Variants in NELL1 observed in about 807,000 individuals in gnomAD.
The protein encoded by NELL1 is protein kinase C-binding protein NELL1.
A neutral mutation model predicts 107.4 loss-of-function variants in NELL1; 76 were observed. The observed-to-expected ratio is 0.71, with a 90% CI of 0.59 to 0.86. NELL1 has a LOEUF of 0.86. Ranked by LOEUF, NELL1 falls within the 40% of genes least tolerant of loss-of-function variation. NELL1 has a pLI of 0.00. For missense variants in NELL1, 1,024 were observed against 1,005.5 expected (o/e 1.02, Z -0.25); for synonymous variants, 353 against 341.2 (o/e 1.03, Z -0.38).
At chr11:21,148,926 C>T (rs1856048342) in intron 13 of NELL1, among the ~76,000 whole-genome samples, 1 of 152,124 alleles carries the variant, frequency 6.6e-6, no homozygotes, top group African/African-American at 2.4e-5. Context: ...AAACTAAGGG[C>T]TCATTGATAC....
chr11:21,343,028 T>G (rs10833511), intron 14 of NELL1, among the ~76,000 whole-genome samples: 29,906 of 152,130 alleles, frequency 0.2, 3,216 homozygotes, highest in South Asian at 0.32. Flanking sequence ...CCCAGAGACC[T>G]GTCGCTTGGA....
intron 14 of NELL1, among the ~76,000 whole-genome samples, chr11:21,286,357 T>G (rs976221986): frequency 1.3e-5 from 2 of 152,214 alleles, no homozygotes; most frequent in African/African-American, 4.8e-5. Flanking sequence ...CCATTAGACA[T>G]GTCACTGTCC....
At chr11:20,895,504 C>CGTT (rs772119566) in intron 5 of NELL1, among the ~76,000 whole-genome samples, 3 of 100,022 alleles carry the variant, frequency 3.0e-5, no homozygotes, top group Non-Finnish European at 5.7e-5. Flanking sequence ...TGATATTTGC[C>CGTT]TTTTTTTTTT....
At chr11:21,345,547 A>G (rs1444321668) in intron 14 of NELL1, among the ~76,000 whole-genome samples, 1 of 152,184 alleles carries the variant, frequency 6.6e-6, no homozygotes, top group Non-Finnish European at 1.5e-5. Context: ...TGCTCAGGGA[A>G]AGATGCTGGG....
At chr11:21,398,363 T>C (rs1852025829) in intron 15 of NELL1, among the ~76,000 whole-genome samples, 1 of 151,744 alleles carries the variant, frequency 6.6e-6, no homozygotes, top group Non-Finnish European at 1.5e-5. Flanking sequence ...ATTCTGGCAA[T>C]CTGAAAACCT....
In NELL1 at chr11:21,479,691, A is replaced by C. The variant is rs79656957; in HGVS notation, c.1646-54683A>C. On this transcript the variant is annotated intron_variant, in intron 15 of 19. Coordinates refer to ENST00000357134, the MANE Select transcript of NELL1 (RefSeq NM_006157.5). ...AAAATAACTAAAAGTGTATATTTGGATTGTTAGTTACATAAAGAAAGGAGA... is the reference window on the plus strand; with the variant it reads ...AAAATAACTAAAAGTGTATATTTGGCTTGTTAGTTACATAAAGAAAGGAGA... 5.9e-3 allele frequency among the ~76,000 whole-genome samples: 905 copies of C among 152,308 alleles called. 7 individuals carry two copies. Among genetic ancestry groups the C allele is most frequent in the African/African-American group, 0.021 (870 of 41,562 alleles).
At chr11:21,538,922 C>G (rs1856216894) in intron 16 of NELL1, among the ~76,000 whole-genome samples, 1 of 152,080 alleles carries the variant, frequency 6.6e-6, no homozygotes, top group Admixed American at 6.6e-5. Context: ...ATACTGGAGA[C>G]TACTCAAATT....
intron 15 of NELL1, among the ~76,000 whole-genome samples, chr11:21,447,637 AG>A (rs1853467222): frequency 6.6e-6 from 1 of 152,148 alleles, no homozygotes; most frequent in Non-Finnish European, 1.5e-5. Flanking sequence ...TAGAAGGAAG[AG>A]ATCTCTTTCA....
chr11:20,817,824 T>C (rs117696185), intron 3 of NELL1, among the ~76,000 whole-genome samples: 1,531 of 45,688 alleles, frequency 0.034, 14 homozygotes, highest in Middle Eastern at 0.12. Flanking sequence ...GTTGTGTCTC[T>C]GTTTTAAAGA....
At chr11:21,389,897 C>T (rs1484497624) in intron 15 of NELL1, among the ~76,000 whole-genome samples, 1 of 151,656 alleles carries the variant, frequency 6.6e-6, no homozygotes, top group Non-Finnish European at 1.5e-5. Context: ...CCTTGGGTGA[C>T]CATATGTATG....
intron 12 of NELL1, among the ~76,000 whole-genome samples, chr11:20,996,946 T>C (rs1459316534): frequency 6.6e-6 from 1 of 152,186 alleles, no homozygotes; most frequent in Non-Finnish European, 1.5e-5. Context: ...TTCCTTTTCC[T>C]ATATTTTAGG....
rs923725315 is a variant in NELL1 at position 20,947,390 on chromosome 11, A to G, written c.1126A>G (p.Lys376Glu). 7.4e-6 allele frequency: 12 copies of G among 1,613,988 alleles called. No homozygotes were observed. The highest frequency in any genetic ancestry group is 1.7e-5 in the Admixed American group (1 of 59,992). Reference protein sequence around the residue: ...EMCPPLNCSEKDHILPENQCC... With the variant: ...EMCPPLNCSEEDHILPENQCC... ...GTGTCCTCCTTTGAACTGCTCAGAA[A>G]AGGATCACATTCTTCCTGAGAATCA... The change falls in exon 11 of 20, where the codon AAG becomes GAG. Residue 376 changes from lysine to glutamate, a missense_variant. Transcript: ENST00000357134.
intron 5 of NELL1, among the ~76,000 whole-genome samples, chr11:20,916,359 A>G (rs1398882006): frequency 6.6e-6 from 1 of 151,992 alleles, no homozygotes; most frequent in Non-Finnish European, 1.5e-5. Flanking sequence ...TAATGTCACT[A>G]AAATGAGTAA....
chr11:20,815,833 T>C (rs1857611983), intron 3 of NELL1, among the ~76,000 whole-genome samples: 1 of 152,162 alleles, frequency 6.6e-6, no homozygotes, highest in African/African-American at 2.4e-5. Context: ...TTTTTATATA[T>C]GGTAAAATGT....
intron 13 of NELL1, among the ~76,000 whole-genome samples, chr11:21,161,932 T>C (rs891960254): frequency 2.1e-5 from 3 of 140,932 alleles, no homozygotes; most frequent in Non-Finnish European, 4.6e-5. Context: ...ATCTTTTCTC[T>C]GGGAACATAA....
chr11:20,738,063 AATCATCT>A (rs56335881), intron 2 of NELL1, among the ~76,000 whole-genome samples: 121,955 of 150,898 alleles, frequency 0.81, 49,565 homozygotes, highest in Middle Eastern at 0.91. Context: ...AAACACCCAG[AATCATCT>A]ATCATCTATG....
rs574815827 is a variant in NELL1, at chr11:21,454,085, C to G, written c.1646-80289C>G. 9.5e-5 allele frequency among the ~76,000 whole-genome samples: 12 copies of G among 126,886 alleles called. No homozygotes were observed. The South Asian group carries it at 3.2e-3, about 34-fold the overall frequency. 83.2% of individuals were successfully genotyped at this position (126,886 alleles called of 152,430 possible). On this transcript the variant is annotated intron_variant, in intron 15 of 19. Transcript: ENST00000357134. ...CAATGCTATCCTTCCCCCCTCCCCC[C>G]ACCCCACCACAGTCCCCAGAGGGTG...
chr11:21,470,209 C>T (rs1226340362), intron 15 of NELL1, among the ~76,000 whole-genome samples: 1 of 151,982 alleles, frequency 6.6e-6, no homozygotes, highest in Non-Finnish European at 1.5e-5. Flanking sequence ...AGTAATCATG[C>T]TAAGAGCTCA....
chr11:21,031,058 A>G (rs1852943225), intron 12 of NELL1, among the ~76,000 whole-genome samples: 1 of 152,140 alleles, frequency 6.6e-6, no homozygotes, highest in Admixed American at 6.6e-5. Context: ...ATATTTGAAT[A>G]AAAAGGGTAT....
Sources: allele counts gnomAD v4.1 joint callset (sites outside exome capture counted in the v4.1 genomes callset), GRCh38; gene constraint gnomAD v4.1.1; transcripts MANE v1.5; gene names NCBI Gene and HGNC (gene_info 2026-07-23, HGNC 2026-07-21).